Variants in ZC3H13 observed in about 807,000 individuals in gnomAD.
ZC3H13 encodes the protein zinc finger CCCH-type containing 13.
ZC3H13 carries 64 observed loss-of-function variants against 204.1 expected under a neutral mutation model. The observed-to-expected ratio is 0.31, with a 90% confidence interval of 0.26 to 0.39. The LOEUF (loss-of-function observed/expected upper bound fraction) is 0.39. Among genes scored for constraint, ZC3H13 ranks in the 10% least tolerant of loss-of-function variants. ZC3H13 has a pLI of 1.00. For synonymous variants in ZC3H13, 667 were observed against 693.7 expected, an observed-to-expected ratio of 0.96 and a Z score of 0.60; for missense variants, 1,833 against 2,082.7, an observed-to-expected ratio of 0.88 and a Z score of 2.33.
At chr13:45,975,960 G>A in intron 11 of ZC3H13, 122 bp from the exon 12 acceptor site, 1 of 1,402,404 alleles carries the variant, frequency 7.1e-7, no homozygotes, top group Non-Finnish European at 9.3e-7. Context: ...TACAAACCAA[G>A]TAGCATATTT....
At chr13:45,974,251 GC>G (rs1952828698) in intron 12 of ZC3H13, among the ~76,000 whole-genome samples, 2 of 152,168 alleles carry the variant, frequency 1.3e-5, no homozygotes. Context: ...ACTGTGATCA[GC>G]TTAGTCAATA....
chr13:46,024,295 C>T (rs1413083524), intron 4 of ZC3H13, among the ~76,000 whole-genome samples: 1 of 152,172 alleles, frequency 6.6e-6, no homozygotes, highest in African/African-American at 2.4e-5. Context: ...CATTTCCGAC[C>T]CTTCTTCTAA....
At position 45,975,467 on chromosome 13, in the gene ZC3H13, G is replaced by C; in HGVS notation, c.2284C>G (p.Arg762Gly). 1.2e-6 allele frequency: 2 copies of C among 1,607,602 alleles called. No homozygotes were observed. Among genetic ancestry groups the C allele is most frequent in the Non-Finnish European group, 1.7e-6 (2 of 1,177,850 alleles). Residue 762 changes from arginine to glycine, a missense_variant, in exon 12 of 19, where the codon CGA becomes GGA. Coordinates refer to ENST00000679008, the MANE Select transcript of ZC3H13 (RefSeq NM_001330564.2). ...CGCTCTCGCTCTCTCTCCCGTTCTC[G>C]CTCTCTCTCCCTCTCTCTCTCTTCT... ...EREERERERE[R>G]ERERERERER...
intron 4 of ZC3H13, among the ~76,000 whole-genome samples, chr13:46,040,287 T>G (rs947304965): frequency 3.3e-5 from 5 of 152,156 alleles, no homozygotes; most frequent in Non-Finnish European, 2.9e-5. Flanking sequence ...TGCAGAAAAC[T>G]TCTACATAAT....
chr13:45,991,539 T>C (rs745987870), intron 8 of ZC3H13, among the ~76,000 whole-genome samples: 3 of 152,358 alleles, frequency 2.0e-5, no homozygotes, highest in South Asian at 2.1e-4. Flanking sequence ...ACTTTGGCTA[T>C]AGACTATTAC....
intron 17 of ZC3H13, among the ~76,000 whole-genome samples, chr13:45,960,048 T>C (rs1406639899): frequency 6.6e-6 from 1 of 152,114 alleles, no homozygotes; most frequent in Admixed American, 6.6e-5. Context: ...ACCTCCTGGA[T>C]TCAAGCGATT....
chr13:45,964,615 T>G (rs1179701058), intron 16 of ZC3H13, among the ~76,000 whole-genome samples: 1 of 152,006 alleles, frequency 6.6e-6, no homozygotes, highest in East Asian at 1.9e-4. Flanking sequence ...TCTACATCAG[T>G]AGAAAAAATT....
At chr13:45,967,196 T>C (rs759291691) in intron 15 of ZC3H13, among the ~76,000 whole-genome samples, 17 of 152,234 alleles carry the variant, frequency 1.1e-4, no homozygotes, top group South Asian at 4.1e-4. Context: ...TTTTTTAACA[T>C]CTAAGAAAAG....
intron 10 of ZC3H13, 68 bp from the exon 11 acceptor site, chr13:45,980,072 A>G (rs1394659527): frequency 7.3e-7 from 1 of 1,364,542 alleles, no homozygotes; most frequent in Non-Finnish European, 9.9e-7. Flanking sequence ...ATCAGTCATA[A>G]TCTTTCCTCC....
intron 8 of ZC3H13, among the ~76,000 whole-genome samples, chr13:45,998,918 GCTAGCA>G (rs1566244847): frequency 5.7e-4 from 87 of 152,136 alleles, no homozygotes; most frequent in African/African-American, 2.0e-3. Flanking sequence ...GATGCTGTTC[GCTAGCA>G]TTTTACCCAC....
chr13:45,963,198 T>G (rs991315107), intron 17 of ZC3H13: 9 of 979,572 alleles, frequency 9.2e-6, no homozygotes, highest in Non-Finnish European at 1.1e-5. Flanking sequence ...GTAAGTGGTG[T>G]GCCTACTGAA....
chr13:46,021,391 ATTG>A (rs1243025143), intron 4 of ZC3H13, among the ~76,000 whole-genome samples: 1 of 151,998 alleles, frequency 6.6e-6, no homozygotes, highest in Non-Finnish European at 1.5e-5. Flanking sequence ...GTGTTATATA[ATTG>A]TTATCTTCCA....
intron 9 of ZC3H13, among the ~76,000 whole-genome samples, chr13:45,988,372 C>T (rs936607724): frequency 2.6e-5 from 4 of 152,128 alleles, no homozygotes; most frequent in African/African-American, 9.7e-5. Flanking sequence ...ATTCTCCTGC[C>T]TCAGCTTCCC....
intron 13 of ZC3H13, 23 bp downstream of exon 13, chr13:45,970,339 G>C (rs779327189): frequency 1.2e-6 from 2 of 1,606,038 alleles, no homozygotes; most frequent in South Asian, 2.2e-5. Flanking sequence ...AATATAGAGA[G>C]ACAGAAAACA....
intron 8 of ZC3H13, among the ~76,000 whole-genome samples, chr13:45,996,977 G>A (rs1161517905): frequency 6.6e-6 from 1 of 152,192 alleles, no homozygotes; most frequent in Non-Finnish European, 1.5e-5. Flanking sequence ...CTGAGGATAA[G>A]AGGGGCAGAA....
intron 10 of ZC3H13, among the ~76,000 whole-genome samples, chr13:45,983,496 G>GGCTC (rs1195213436): frequency 2.5e-5 from 3 of 121,004 alleles, no homozygotes; most frequent in African/African-American, 9.7e-5. Flanking sequence ...GCGCTATCCC[G>GGCTC]GCTCACTGCA....
In ZC3H13 at chr13:45,955,719, A is replaced by T. The variant is rs565227372; in HGVS notation, c.*1408T>A. On this transcript the variant is annotated 3_prime_UTR_variant, in exon 19 of 19. Transcript: ENST00000679008. ...ACACTTAGTAAAGGAAAAGGACACA[A>T]GGAAATTCTGATTAAAGTCTTCTCC... is the stretch of plus-strand genomic sequence containing the variant. 7 of 152,264 alleles carry T rather than the reference A, an allele frequency of 4.6e-5. No individual in the cohort carries two copies. In the South Asian group the frequency reaches 1.2e-3, roughly 27 times the overall value. 9.4% of individuals were successfully genotyped at this position (152,264 alleles called of 1,614,324 possible). A position where few individuals can be genotyped will look rare whatever the true frequency, so the allele number is the denominator to read the frequency against.
chr13:46,010,502 A>G lies in ZC3H13; in HGVS notation c.592T>C (p.Ser198Pro). 1 of 1,605,886 alleles carries G rather than the reference A, an allele frequency of 6.2e-7. No individual in the cohort carries two copies. The highest frequency in any genetic ancestry group is 8.5e-7 in the Non-Finnish European group (1 of 1,173,862). ...REEIIIKKEV[S>P]PEVVRSKLSP... ...AATTTTGATCTAACCACTTCTGGTG[A>G]AACCTTTAAAAAAATTCAGTAAGTC... is the stretch of plus-strand genomic sequence containing the variant. Residue 198 changes from serine to proline, a missense_variant, in exon 7 of 19, where the codon TCA becomes CCA. By Grantham distance (74) the Ser-to-Pro change is moderately conservative. Coordinates refer to ENST00000679008, the MANE Select transcript of ZC3H13 (RefSeq NM_001330564.2).
rs558798201 is a variant in ZC3H13, at chr13:45,956,874, G to A, written c.*253C>T. The A allele has an allele frequency of 3.1e-5, 8 of 257,066 alleles. No homozygotes were observed. Among genetic ancestry groups the A allele is most frequent in the Admixed American group, 1.1e-4 (2 of 18,432 alleles). The allele number at this position is 257,066 out of a possible 1,614,324, so 15.9% of individuals were successfully genotyped here. A position where few individuals can be genotyped will look rare whatever the true frequency, so the allele number is the denominator to read the frequency against. ...AAAATCTTCAGTTTTAACAAAAGGCGCAGAATAAACTACTAAATCTAGATG... is the reference window on the plus strand; with the variant it reads ...AAAATCTTCAGTTTTAACAAAAGGCACAGAATAAACTACTAAATCTAGATG... On this transcript the variant is annotated 3_prime_UTR_variant, in exon 19 of 19. Coordinates refer to ENST00000679008, the MANE Select transcript of ZC3H13 (RefSeq NM_001330564.2).
Sources: allele counts gnomAD v4.1 joint callset (sites outside exome capture counted in the v4.1 genomes callset), GRCh38; gene constraint gnomAD v4.1.1; transcripts MANE v1.5; gene names NCBI Gene and HGNC (gene_info 2026-07-23, HGNC 2026-07-21).